GSTCD: variants seen among roughly 807,000 people sequenced by gnomAD.
The protein encoded by GSTCD is glutathione S-transferase C-terminal domain-containing protein.
In GSTCD, 44 loss-of-function variants were observed where a neutral mutation model predicts 68.3. The observed-to-expected ratio is 0.64, with a 90% CI of 0.51 to 0.83. The LOEUF is 0.83. Among genes scored for constraint, GSTCD ranks in the 40% least tolerant of loss-of-function variants. The pLI is 0.00. For synonymous variants in GSTCD, 273 were observed against 255.2 expected (o/e 1.07, Z -0.67); for missense variants, 739 against 735.9 (o/e 1.00, Z -0.05).
At chr4:105,770,204 A>C (rs905606574) in intron 5 of GSTCD, among the ~76,000 whole-genome samples, 7 of 152,252 alleles carry the variant, frequency 4.6e-5, no homozygotes, top group Non-Finnish European at 5.9e-5. Context: ...AGATCTTAAA[A>C]GTTCAGCACG....
intron 8 of GSTCD, among the ~76,000 whole-genome samples, chr4:105,829,222 C>T (rs1723798199): frequency 6.6e-6 from 1 of 151,236 alleles, no homozygotes; most frequent in Non-Finnish European, 1.5e-5. Context: ...GGCACCTATC[C>T]AGGCTTTTTG....
Position 105,845,591 on chromosome 4 carries a change from C to T in GSTCD, c.*14C>T. On this transcript the variant is annotated 3_prime_UTR_variant, in exon 12 of 12. Coordinates refer to ENST00000515279, the MANE Select transcript of GSTCD (RefSeq NM_001370181.1). ...GTCCCCATTTAAAATGAGATATTCA[C>T]ATTTGATATTTTGCCATCCGTCTTC... is the stretch of plus-strand genomic sequence containing the variant. The T allele has an allele frequency of 1.2e-6, 2 of 1,613,654 alleles. No individual in the cohort carries two copies. Among genetic ancestry groups the T allele is most frequent in the East Asian group, 4.5e-5 (2 of 44,876 alleles).
chr4:105,804,923 G>GA (rs1435223063), intron 5 of GSTCD, among the ~76,000 whole-genome samples: 2 of 152,040 alleles, frequency 1.3e-5, no homozygotes, highest in Admixed American at 1.3e-4. Context: ...GTTAGTTTCT[G>GA]ATAATGATGG....
chr4:105,802,005 T>C (rs977919681), intron 5 of GSTCD, among the ~76,000 whole-genome samples: 5 of 152,062 alleles, frequency 3.3e-5, no homozygotes, highest in African/African-American at 1.2e-4. Context: ...CTTAACTTCA[T>C]TGTCAAATAT....
chr4:105,760,358 A>T (rs1734359556), intron 5 of GSTCD, among the ~76,000 whole-genome samples: 1 of 152,148 alleles, frequency 6.6e-6, no homozygotes, highest in African/African-American at 2.4e-5. Flanking sequence ...ATTGTTTTGG[A>T]ATAGATGCCT....
chr4:105,756,564 A>G (rs1023655002), intron 5 of GSTCD, among the ~76,000 whole-genome samples: 30 of 102,428 alleles, frequency 2.9e-4, no homozygotes, highest in African/African-American at 7.6e-4. Flanking sequence ...ATGTATATAT[A>G]TGTGTGTGTG....
chr4:105,791,392 C>CA (rs56388145), intron 5 of GSTCD, among the ~76,000 whole-genome samples: 1,913 of 56,322 alleles, frequency 0.034, 34 homozygotes, highest in African/African-American at 0.087. Context: ...GACTCCGTCT[C>CA]AAAAAAAAAA....
chr4:105,726,313 C>A (rs1443620846), intron 3 of GSTCD, among the ~76,000 whole-genome samples: 2 of 151,994 alleles, frequency 1.3e-5, no homozygotes, highest in Non-Finnish European at 2.9e-5. Context: ...CTAGAAAAGG[C>A]AAAATTGTAA....
intron 1 of GSTCD, among the ~76,000 whole-genome samples, chr4:105,710,255 T>TTTTTTTTTA (rs1732485671): frequency 1.4e-5 from 2 of 147,398 alleles, no homozygotes; most frequent in African/African-American, 5.0e-5. Context: ...TTTTTTTTTT[T>TTTTTTTTTA]GAGCTGGAGT....
chr4:105,808,979 A>G (rs958252431), intron 5 of GSTCD, among the ~76,000 whole-genome samples: 3 of 152,124 alleles, frequency 2.0e-5, no homozygotes, highest in Admixed American at 6.6e-5. Context: ...TCCAAAGCAC[A>G]AAAGTAATGA....
At chr4:105,743,216 C>A (rs1733693110) in intron 5 of GSTCD, among the ~76,000 whole-genome samples, 1 of 152,016 alleles carries the variant, frequency 6.6e-6, no homozygotes, top group African/African-American at 2.4e-5. Flanking sequence ...TCCCAAAGTA[C>A]TGGGATTACA....
At chr4:105,736,400 C>T (rs1312141566) in intron 5 of GSTCD, among the ~76,000 whole-genome samples, 1 of 152,086 alleles carries the variant, frequency 6.6e-6, no homozygotes, top group Non-Finnish European at 1.5e-5. Context: ...GACTTAAGAC[C>T]ACTTAGCATT....
intron 5 of GSTCD, among the ~76,000 whole-genome samples, chr4:105,733,612 G>A (rs1733337459): frequency 6.6e-6 from 1 of 152,192 alleles, no homozygotes; most frequent in Admixed American, 6.5e-5. Context: ...CCTGAATAGA[G>A]CACACTGATG....
intron 10 of GSTCD, among the ~76,000 whole-genome samples, chr4:105,841,323 C>CA (rs536874339): frequency 6.7e-4 from 91 of 135,090 alleles, no homozygotes; most frequent in Middle Eastern, 3.6e-3. Context: ...AACTCCGTCT[C>CA]AAAAAAAAAA....
rs1440045539 is a variant in GSTCD at position 105,842,102 on chromosome 4, C to T, written c.1733C>T (p.Ala578Val). ...MILCRFADQT[A>V]VQLPPQRRLI... ...CTGTGCAGATTTGCAGACCAGACAGCTGTCCAGCTCCCACCCCAACGAAGG... is the reference window on the plus strand; with the variant it reads ...CTGTGCAGATTTGCAGACCAGACAGTTGTCCAGCTCCCACCCCAACGAAGG... Residue 578 changes from alanine (A) to valine (V), a missense_variant, in exon 11 of 12, where the codon GCT (alanine) becomes GTT (valine). Physicochemically the swap from Ala to Val is moderately conservative, Grantham distance 64. Coordinates refer to ENST00000515279, the MANE Select transcript of GSTCD (RefSeq NM_001370181.1). The T allele has an allele frequency of 1.9e-6, 3 of 1,613,990 alleles. No individual in the cohort carries two copies. Among genetic ancestry groups the T allele is most frequent in the Middle Eastern group, 1.6e-4 (1 of 6,062 alleles).
intron 5 of GSTCD, among the ~76,000 whole-genome samples, chr4:105,811,233 C>T (rs567962090): frequency 2.0e-4 from 30 of 152,092 alleles, no homozygotes; most frequent in Non-Finnish European, 1.9e-4. Flanking sequence ...GTAGAACTCA[C>T]TATTTTTCTC....
intron 9 of GSTCD, among the ~76,000 whole-genome samples, chr4:105,836,624 G>T (rs997576447): frequency 9.9e-5 from 15 of 152,098 alleles, no homozygotes; most frequent in Non-Finnish European, 2.1e-4. Flanking sequence ...GTCCAGAGGG[G>T]GCTGAGGCGG....
intron 5 of GSTCD, among the ~76,000 whole-genome samples, chr4:105,788,860 A>T (rs1370961926): frequency 1.3e-5 from 2 of 152,048 alleles, no homozygotes; most frequent in East Asian, 3.8e-4. Flanking sequence ...AAGACTGCCA[A>T]GCATGTTGTA....
In GSTCD at chr4:105,755,162, G is replaced by C. The variant is rs560106185; in HGVS notation, c.1240+25663G>C. On this transcript the variant is annotated intron_variant, in intron 5 of 11. Transcript: ENST00000515279. ...ACTAGGGAGGCTGAGCAGAAGGATT[G>C]CTTGAGCCTGGGAGGTTGAAGCTGC... 1.1e-4 allele frequency among the ~76,000 whole-genome samples: 16 copies of C among 151,490 alleles called. No homozygotes were observed. The South Asian group carries it at 3.3e-3, about 32-fold the overall frequency.
Sources: gnomAD v4.1 joint callset for allele counts (sites outside exome capture counted in the v4.1 genomes callset) on GRCh38, gnomAD v4.1.1 for gene constraint, MANE v1.5 for transcripts, NCBI Gene and HGNC (gene_info 2026-07-23, HGNC 2026-07-21) for gene names.